SCFD2: variants seen among roughly 807,000 people sequenced by gnomAD.
SCFD2 encodes the protein sec1 family domain-containing protein 2.
A neutral mutation model predicts 58.9 loss-of-function variants in SCFD2; 54 were observed. The ratio of observed to expected loss-of-function variants is 0.92; its 90% confidence interval spans 0.74 to 1.15. SCFD2 has a LOEUF of 1.15. Ranked by LOEUF, SCFD2 falls within the 50% of genes most tolerant of loss-of-function variation. SCFD2 has a pLI of 0.00. For missense variants in SCFD2, 805 were observed against 836.6 expected, an observed-to-expected ratio of 0.96 and a Z score of 0.47; for synonymous variants, 321 against 335.9, an observed-to-expected ratio of 0.96 and a Z score of 0.49.
chr4:52,925,490 G>A (rs1719843052), intron 5 of SCFD2, among the ~76,000 whole-genome samples: 5 of 152,148 alleles, frequency 3.3e-5, no homozygotes, highest in Admixed American at 2.6e-4. Flanking sequence ...GATGCTAACA[G>A]TGTGGTTTGT....
Position 53,338,638 on chromosome 4 carries a change from T to C in SCFD2, c.1007+13960A>G, listed in dbSNP as rs371926900. 1.8e-3 allele frequency among the ~76,000 whole-genome samples: 228 copies of C among 126,036 alleles called. 4 individuals carry two copies. The East Asian group carries it at 0.045, about 25-fold the overall frequency. The allele number at this position is 126,036 out of a possible 152,430, so 82.7% of individuals were successfully genotyped here. On this transcript the variant is annotated intron_variant, in intron 2 of 8. Coordinates refer to ENST00000401642, the MANE Select transcript of SCFD2 (RefSeq NM_152540.4). Reference sequence around the variant, plus strand: ...CTCTGTCGCCCAGGCTGGAGTGCAGTGGCGGGATCTCGGCTCACTGCAAGC... The same window carrying C: ...CTCTGTCGCCCAGGCTGGAGTGCAGCGGCGGGATCTCGGCTCACTGCAAGC...
intron 8 of SCFD2, among the ~76,000 whole-genome samples, chr4:52,880,890 G>A (rs1280302846): frequency 6.6e-6 from 1 of 152,248 alleles, no homozygotes; most frequent in Non-Finnish European, 1.5e-5. Context: ...AGGCAGAGCT[G>A]TCTGGCCATG....
chr4:52,920,826 C>A lies in SCFD2; in HGVS notation c.1606G>T (p.Ala536Ser). The A allele has an allele frequency of 6.2e-7, 1 of 1,611,462 alleles. No homozygotes were observed. The highest frequency in any genetic ancestry group is 8.5e-7 in the Non-Finnish European group (1 of 1,178,302). Residue 536 changes from alanine (A) to serine (S), a missense_variant, in exon 6 of 9, where the codon GCC (alanine) becomes TCC (serine). Physicochemically the swap from Ala to Ser is moderately conservative, Grantham distance 99. Coordinates refer to ENST00000401642, the MANE Select transcript of SCFD2 (RefSeq NM_152540.4). ...INLTFHKSKI[A>S]VDELFTSLRD... ...AGTGAAGTAAAGAGTTCATCCACGG[C>A]AATTTTGGATTTGTGAAATGTCAGA... is the stretch of plus-strand genomic sequence containing the variant.
chr4:53,274,646 A>G (rs1037550899), intron 3 of SCFD2, among the ~76,000 whole-genome samples: 3 of 152,210 alleles, frequency 2.0e-5, no homozygotes, highest in Non-Finnish European at 4.4e-5. Context: ...CCTACCTCAT[A>G]AAAGCATAGA....
intron 5 of SCFD2, among the ~76,000 whole-genome samples, chr4:53,013,700 C>T (rs1286588631): frequency 2.6e-5 from 4 of 152,176 alleles, no homozygotes; most frequent in Non-Finnish European, 2.9e-5. Flanking sequence ...TTTGCTGGAA[C>T]GTCCTCTGAG....
rs538628644 is a variant in SCFD2, at chr4:53,185,413, A to T, written c.1312-39831T>A. Among the ~76,000 whole-genome samples the T allele has an allele frequency of 2.7e-3, 410 of 152,178 alleles. 2 individuals are homozygous for T. Among genetic ancestry groups the T allele is most frequent in the African/African-American group, 9.0e-3 (376 of 41,564 alleles). ...TGCTTTGAATTATAATAATAATTATAACGCATTTATTTCATTTCAAGTGGC... is the reference window on the plus strand; with the variant it reads ...TGCTTTGAATTATAATAATAATTATTACGCATTTATTTCATTTCAAGTGGC... On this transcript the variant is annotated intron_variant, in intron 4 of 8. Transcript: ENST00000401642.
At chr4:52,880,825 A>C (rs573827207) in intron 8 of SCFD2, among the ~76,000 whole-genome samples, 1 of 152,128 alleles carries the variant, frequency 6.6e-6, no homozygotes, top group Non-Finnish European at 1.5e-5. Context: ...TTTTCTTCTT[A>C]CAATCACAGG....
chr4:53,225,401 C>T (rs1035520742), intron 4 of SCFD2, among the ~76,000 whole-genome samples: 1 of 152,136 alleles, frequency 6.6e-6, no homozygotes, highest in Non-Finnish European at 1.5e-5. Context: ...ATTTCCTCAT[C>T]TGTAAAATGG....
At chr4:53,048,080 G>A (rs1723087503) in intron 5 of SCFD2, among the ~76,000 whole-genome samples, 1 of 152,208 alleles carries the variant, frequency 6.6e-6, no homozygotes, top group South Asian at 2.1e-4. Context: ...GCTACGCGCA[G>A]TTGCTCAGAC....
chr4:53,163,763 G>C (rs1010234257), intron 4 of SCFD2, among the ~76,000 whole-genome samples: 3 of 152,100 alleles, frequency 2.0e-5, no homozygotes, highest in Admixed American at 2.0e-4. Flanking sequence ...GAGGAGAAGA[G>C]AGAACCAAAG....
At chr4:53,352,847 C>T in intron 1 of SCFD2, 81 bp from the exon 2 acceptor site, 1 of 1,192,864 alleles carries the variant, frequency 8.4e-7, no homozygotes, top group South Asian at 1.4e-5. Context: ...CACACACCTT[C>T]TATCAAAAAT....
chr4:53,270,406 C>A (rs1259681316), intron 4 of SCFD2, among the ~76,000 whole-genome samples: 1 of 152,110 alleles, frequency 6.6e-6, no homozygotes, highest in Non-Finnish European at 1.5e-5. Context: ...AAACATAATA[C>A]TTAATGGCAA....
chr4:53,162,357 T>A lies in SCFD2; in HGVS notation c.1312-16775A>T, dbSNP rs1386393280. 4.6e-5 allele frequency among the ~76,000 whole-genome samples: 7 copies of A among 152,166 alleles called. No homozygotes were observed. The East Asian group carries it at 1.3e-3, about 29-fold the overall frequency. ...CTGCACTCCCAAGCCTGTGCTAGAATCTGACTTCCAGGATCCACAGAACAA... is the reference window on the plus strand; with the variant it reads ...CTGCACTCCCAAGCCTGTGCTAGAAACTGACTTCCAGGATCCACAGAACAA... On this transcript the variant is annotated intron_variant, in intron 4 of 8. Coordinates refer to ENST00000401642, the MANE Select transcript of SCFD2 (RefSeq NM_152540.4).
chr4:52,906,399 A>G (rs1012970317), intron 7 of SCFD2, among the ~76,000 whole-genome samples: 1 of 152,258 alleles, frequency 6.6e-6, no homozygotes, highest in Non-Finnish European at 1.5e-5. Flanking sequence ...TTTCTGTACC[A>G]ACTAGCCACC....
intron 4 of SCFD2, among the ~76,000 whole-genome samples, chr4:53,255,661 C>T (rs1399434756): frequency 3.3e-5 from 5 of 152,242 alleles, no homozygotes; most frequent in Non-Finnish European, 5.9e-5. Flanking sequence ...TTTTCCCCAC[C>T]TTTCCCCCGT....
chr4:52,911,897 C>T (rs1719495514), intron 6 of SCFD2, among the ~76,000 whole-genome samples: 1 of 152,188 alleles, frequency 6.6e-6, no homozygotes. Flanking sequence ...TCGAGGGAGA[C>T]CAGAAGGCAG....
intron 5 of SCFD2, among the ~76,000 whole-genome samples, chr4:52,986,837 C>G (rs1721508150): frequency 1.3e-5 from 2 of 151,784 alleles, no homozygotes; most frequent in African/African-American, 4.8e-5. Context: ...TTTTAAATTT[C>G]TAGACTACAA....
chr4:53,216,912 T>A (rs1178294883), intron 4 of SCFD2, among the ~76,000 whole-genome samples: 5 of 152,230 alleles, frequency 3.3e-5, no homozygotes, highest in Non-Finnish European at 5.9e-5. Flanking sequence ...TACCCAGTAG[T>A]CATTCAGGAG....
intron 5 of SCFD2, among the ~76,000 whole-genome samples, chr4:53,015,480 C>T (rs1722189145): frequency 6.6e-6 from 1 of 152,118 alleles, no homozygotes; most frequent in African/African-American, 2.4e-5. Flanking sequence ...GAAGAAGCAG[C>T]AGGAGAATCA....
Sources: allele counts gnomAD v4.1 joint callset (sites outside exome capture counted in the v4.1 genomes callset), GRCh38; gene constraint gnomAD v4.1.1; transcripts MANE v1.5; gene names NCBI Gene and HGNC (gene_info 2026-07-23, HGNC 2026-07-21).